SLC8A1: variants seen among roughly 807,000 people sequenced by gnomAD.
The protein encoded by SLC8A1 is solute carrier family 8 member A1.
Under a neutral mutation model 68.3 loss-of-function variants are expected in SLC8A1, and 18 were observed. The ratio of observed to expected loss-of-function variants is 0.26; its 90% CI spans 0.18 to 0.39. The LOEUF (loss-of-function observed/expected upper bound fraction) is 0.39. SLC8A1 is among the 10% of genes least tolerant of loss of function. The pLI, the probability that SLC8A1 is intolerant of heterozygous loss-of-function variation, is 1.00. For synonymous variants in SLC8A1, 475 were observed against 415.5 expected (o/e 1.14, Z -1.74); for missense variants, 985 against 1,156.7 (o/e 0.85, Z 2.15).
chr2:40,128,300 G>A (rs1019486689), intron 7 of SLC8A1, among the ~76,000 whole-genome samples: 1 of 152,308 alleles, frequency 6.6e-6, no homozygotes, highest in South Asian at 2.1e-4. Flanking sequence ...TGGCAATGAA[G>A]TTTTGCTTTC....
chr2:40,200,179 T>TATAAATATATATATATAA (rs1553407577), intron 2 of SLC8A1, among the ~76,000 whole-genome samples: 1 of 14,222 alleles, frequency 7.0e-5, no homozygotes, highest in Non-Finnish European at 2.0e-4. Flanking sequence ...CATTGATATA[T>TATAAATATATATATATAA]ATATATATAT....
At chr2:40,222,817 G>C (rs2058506308) in intron 2 of SLC8A1, among the ~76,000 whole-genome samples, 1 of 152,192 alleles carries the variant, frequency 6.6e-6, no homozygotes, top group Non-Finnish European at 1.5e-5. Context: ...GCCACAATGA[G>C]ATACCATCTC....
intron 7 of SLC8A1, among the ~76,000 whole-genome samples, chr2:40,132,015 C>G (rs2039473679): frequency 6.6e-6 from 1 of 151,856 alleles, no homozygotes; most frequent in South Asian, 2.1e-4. Context: ...AAAGCATGGA[C>G]TCCATTAGGT....
chr2:40,417,954 G>C (rs1331031010), intron 2 of SLC8A1, among the ~76,000 whole-genome samples: 1 of 151,800 alleles, frequency 6.6e-6, no homozygotes, highest in Admixed American at 6.6e-5. Context: ...CAAAGACCCA[G>C]ATCTACTTCA....
chr2:40,320,895 A>T (rs986386651), intron 2 of SLC8A1, among the ~76,000 whole-genome samples: 2 of 152,042 alleles, frequency 1.3e-5, no homozygotes, highest in African/African-American at 4.8e-5. Flanking sequence ...AAATTAGCCA[A>T]TTTGGCTGTG....
intron 2 of SLC8A1, among the ~76,000 whole-genome samples, chr2:40,219,313 G>A (rs1434885446): frequency 6.6e-6 from 1 of 152,234 alleles, no homozygotes; most frequent in African/African-American, 2.4e-5. Context: ...GAAACTGGCT[G>A]AGGTTACAAG....
At chr2:40,397,235 T>G (rs1417444337) in intron 2 of SLC8A1, among the ~76,000 whole-genome samples, 1 of 152,244 alleles carries the variant, frequency 6.6e-6, no homozygotes, top group Non-Finnish European at 1.5e-5. Flanking sequence ...TGTATTCCAC[T>G]GTCAGCTGCT....
Position 40,215,635 on chromosome 2 carries a change from C to T in SLC8A1, c.1809-37780G>A, listed in dbSNP as rs548857789. Among the ~76,000 whole-genome samples the T allele has an allele frequency of 2.2e-4, 23 of 105,624 alleles. No individual in the cohort carries two copies. In the South Asian group the frequency reaches 6.9e-3, roughly 32 times the overall value. 69.3% of individuals were successfully genotyped at this position (105,624 alleles called of 152,430 possible). A position where few individuals can be genotyped will look rare whatever the true frequency, so the allele number is the denominator to read the frequency against. ...GTCCGGCCTGGGCGACAAAGCGAGA[C>T]TCCGTCTCAAAAAAAAAAAAAAAAA... On this transcript the variant is annotated intron_variant, in intron 2 of 7. Coordinates refer to ENST00000406785, the Ensembl canonical transcript of SLC8A1.
intron 2 of SLC8A1, among the ~76,000 whole-genome samples, chr2:40,213,643 C>A (rs1334645903): frequency 1.3e-5 from 2 of 152,164 alleles, no homozygotes; most frequent in Non-Finnish European, 2.9e-5. Flanking sequence ...ATCTGACAAA[C>A]AATCCCAAGG....
chr2:40,174,906 A>T (rs2048200510), intron 3 of SLC8A1, 64 bp from the exon 5 acceptor site: 1 of 1,499,084 alleles, frequency 6.7e-7, no homozygotes, highest in African/African-American at 1.4e-5. Context: ...AATACCAGTG[A>T]CATCAGACTG....
At chr2:40,256,914 T>G (rs78158830) in intron 2 of SLC8A1, among the ~76,000 whole-genome samples, 2,697 of 152,268 alleles carry the variant, frequency 0.018, 81 homozygotes, top group African/African-American at 0.061. Context: ...GAGGGGAGAA[T>G]GTTGCTTCCC....
chr2:40,302,274 T>C (rs1457951741), intron 2 of SLC8A1, among the ~76,000 whole-genome samples: 7 of 152,096 alleles, frequency 4.6e-5, no homozygotes, highest in African/African-American at 1.7e-4. Flanking sequence ...ATCATTTTTA[T>C]GCCTTTGCAT....
intron 2 of SLC8A1, among the ~76,000 whole-genome samples, chr2:40,189,517 C>T (rs1444128981): frequency 1.3e-5 from 2 of 152,072 alleles, no homozygotes; most frequent in East Asian, 3.9e-4. Flanking sequence ...GACAGGGTTT[C>T]ACCGTGTTGG....
intron 2 of SLC8A1, chr2:40,213,623 C>G (rs1310308648): frequency 2.0e-5 from 3 of 152,232 alleles, no homozygotes; most frequent in African/African-American, 7.2e-5. Context: ...TTAACACCAA[C>G]CAGCCCAGCA....
chr2:40,398,233 C>G (rs2149637298), intron 2 of SLC8A1, among the ~76,000 whole-genome samples: 1 of 152,298 alleles, frequency 6.6e-6, no homozygotes, highest in East Asian at 1.9e-4. Flanking sequence ...TGGTCAGCTT[C>G]TTCAATTCCT....
exon 8 of SLC8A1, chr2:40,109,624 C>T (rs961819668): frequency 2.0e-5 from 3 of 152,144 alleles, no homozygotes; most frequent in Non-Finnish European, 4.4e-5. Flanking sequence ...AGCATAAGCT[C>T]TTTCCCTATT....
chr2:40,238,471 G>T (rs906632863), intron 2 of SLC8A1, among the ~76,000 whole-genome samples: 1 of 151,902 alleles, frequency 6.6e-6, no homozygotes, highest in Non-Finnish European at 1.5e-5. Context: ...GCTCGCACAC[G>T]GTGCGCGCAC....
At chr2:40,191,444 G>A (rs1339946003) in intron 2 of SLC8A1, among the ~76,000 whole-genome samples, 2 of 152,176 alleles carry the variant, frequency 1.3e-5, no homozygotes, top group Non-Finnish European at 2.9e-5. Flanking sequence ...GCTATTTACT[G>A]GTACTTGCAA....
chr2:40,464,927 C>T (rs1443918227), intron 1 of SLC8A1, among the ~76,000 whole-genome samples: 2 of 152,056 alleles, frequency 1.3e-5, no homozygotes, highest in East Asian at 3.9e-4. Context: ...GAAGCAGGTG[C>T]CAATATGAAG....
Sources: allele counts gnomAD v4.1 joint callset (sites outside exome capture counted in the v4.1 genomes callset), GRCh38; gene constraint gnomAD v4.1.1; transcripts MANE v1.5; gene names NCBI Gene and HGNC (gene_info 2026-07-23, HGNC 2026-07-21).